TIE1: variants seen among roughly 807,000 people sequenced by gnomAD.
TIE1 encodes the protein tyrosine kinase with immunoglobulin like and EGF like domains 1.
Under a neutral mutation model 130.5 loss-of-function variants are expected in TIE1, and 89 were observed. The ratio of observed to expected loss-of-function variants is 0.68; its 90% CI spans 0.57 to 0.81. TIE1 has a LOEUF of 0.81. Among genes scored for constraint, TIE1 ranks in the 40% least tolerant of loss-of-function variants. The pLI, the probability that TIE1 is intolerant of heterozygous loss-of-function variation, is 0.00. For synonymous variants in TIE1, 568 were observed against 629.4 expected, an observed-to-expected ratio of 0.90 and a Z score of 1.46; for missense variants, 1,392 against 1,559.8, an observed-to-expected ratio of 0.89 and a Z score of 1.81.
intron 3 of TIE1, among the ~76,000 whole-genome samples, chr1:43,305,695 T>A (rs1234190208): frequency 6.6e-6 from 1 of 152,166 alleles, no homozygotes; most frequent in Non-Finnish European, 1.5e-5. Context: ...GGAAGAGAAC[T>A]GGTAACATCA....
rs199863447 is a variant in TIE1 at position 43,317,672 on chromosome 1, G to A, written c.2729G>A (p.Arg910Gln). The change falls in exon 16 of 23, where the codon CGA becomes CAA. Residue 910 changes from arginine to glutamine, a missense_variant and splice_region_variant. Around this residue, in one of 6 missense-constraint regions of TIE1, gnomAD observed 286 missense variants for 354.4 expected, o/e 0.81. Coordinates refer to ENST00000372476, the MANE Select transcript of TIE1 (RefSeq NM_005424.5). This position sits in a 1 kb window ranked among gnomAD's most constrained non-coding sequence, Gnocchi z 5.1. ...IINLLGACKNRGYLYIAIEYA... is the reference protein window; with the variant it reads ...IINLLGACKNQGYLYIAIEYA... ...AACCTCCTGGGGGCCTGTAAGAACC[G>A]AGGTGAGCCCCCAGCTCATCACCTA... The A allele has an allele frequency of 3.7e-5, 58 of 1,574,906 alleles. No individual in the cohort carries two copies. Among genetic ancestry groups the A allele is most frequent in the South Asian group, 4.7e-5 (4 of 84,350 alleles).
In TIE1 at chr1:43,318,147, G is replaced by A; in HGVS notation, c.2922+75G>A. On this transcript the variant is annotated intron_variant, in intron 17 of 22. Coordinates refer to ENST00000372476, the MANE Select transcript of TIE1 (RefSeq NM_005424.5). This position sits in a 1 kb window ranked among gnomAD's most constrained non-coding sequence, Gnocchi z 4.4. ...TGGTGTCAGTGGAAGAAGTCAGCCG[G>A]CCCTGATTGTATCTGGGGATTGAGG... 6.7e-7 allele frequency: 1 copy of A among 1,481,962 alleles called. No individual in the cohort carries two copies. The highest frequency in any genetic ancestry group is 9.0e-7 in the Non-Finnish European group (1 of 1,113,252). 91.8% of individuals were successfully genotyped at this position (1,481,962 alleles called of 1,614,324 possible).
chr1:43,301,995 C>T (rs1189412155), intron 1 of TIE1, among the ~76,000 whole-genome samples: 1 of 152,206 alleles, frequency 6.6e-6, no homozygotes, highest in Non-Finnish European at 1.5e-5. Flanking sequence ...GCCAGGAAAA[C>T]ACAGGCAAGT....
At position 43,322,628 on chromosome 1, in the gene TIE1, A is replaced by G; in HGVS notation, c.3346-23A>G. On this transcript the variant is annotated intron_variant, in intron 22 of 22. Transcript: ENST00000372476. The surrounding 1 kb of genome is among the most constrained non-coding windows in gnomAD (Gnocchi z 4.0). ...AGATGCACCCCCATTCCTGGCCCCCACTAAAGCTTGCTCTGCCCCCAGGCC... is the reference window on the plus strand; with the variant it reads ...AGATGCACCCCCATTCCTGGCCCCCGCTAAAGCTTGCTCTGCCCCCAGGCC... 1.2e-6 allele frequency: 2 copies of G among 1,611,468 alleles called. No individual in the cohort carries two copies. The highest frequency in any genetic ancestry group is 4.5e-5 in the East Asian group (2 of 44,810).
At position 43,313,997 on chromosome 1, in the gene TIE1, A is replaced by G; in HGVS notation, c.2409+29A>G. 1 of 1,612,334 alleles carries G rather than the reference A, an allele frequency of 6.2e-7. No individual in the cohort carries two copies. Among genetic ancestry groups the G allele is most frequent in the Non-Finnish European group, 8.5e-7 (1 of 1,178,568 alleles). On this transcript the variant is annotated intron_variant, in intron 14 of 22. Coordinates refer to ENST00000372476, the MANE Select transcript of TIE1 (RefSeq NM_005424.5). The surrounding 1 kb of genome is among the most constrained non-coding windows in gnomAD (Gnocchi z 6.2). ...AGTGACCCGCCCCGCCCCTGGGTGCATGCTTGCAGCCCGTGTTTATGTTTC... is the reference window on the plus strand; with the variant it reads ...AGTGACCCGCCCCGCCCCTGGGTGCGTGCTTGCAGCCCGTGTTTATGTTTC...
In TIE1 at chr1:43,313,046, A is replaced by C; in HGVS notation, c.1928-89A>C. Reference sequence around the variant, plus strand: ...GCCCCTGTGCTTGGACCCACAGAGGAGGGAGCACAGCTAGAGCAGATGTGT... The same window carrying C: ...GCCCCTGTGCTTGGACCCACAGAGGCGGGAGCACAGCTAGAGCAGATGTGT... On this transcript the variant is annotated intron_variant, in intron 12 of 22. Transcript: ENST00000372476. This position sits in a 1 kb window ranked among gnomAD's most constrained non-coding sequence, Gnocchi z 6.2. 2.1e-6 allele frequency: 3 copies of C among 1,447,346 alleles called. 1 individual carries two copies. The South Asian group carries it at 4.1e-5, about 20-fold the overall frequency. The allele number at this position is 1,447,346 out of a possible 1,614,324, so 89.7% of individuals were successfully genotyped here.
chr1:43,311,961 C>T (rs774896038), intron 10 of TIE1, 33 bp from the exon 11 acceptor site: 2 of 1,562,742 alleles, frequency 1.3e-6, no homozygotes, highest in Non-Finnish European at 1.7e-6. Context: ...GAGGTGGGGG[C>T]TGAATAATGT....
chr1:43,318,029 C>T lies in TIE1; in HGVS notation c.2879C>T (p.Ala960Val). 6.3e-7 allele frequency: 1 copy of T among 1,584,524 alleles called. No homozygotes were observed. The highest frequency in any genetic ancestry group is 8.6e-7 in the Non-Finnish European group (1 of 1,164,972). The change falls in exon 17 of 23, where the codon GCC becomes GTC. Residue 960 changes from alanine to valine, a missense_variant. This residue lies in a region of TIE1 where 286 missense variants were observed against 354.4 expected (regional missense o/e 0.81). Coordinates refer to ENST00000372476, the MANE Select transcript of TIE1 (RefSeq NM_005424.5). This position sits in a 1 kb window ranked among gnomAD's most constrained non-coding sequence, Gnocchi z 4.4. ...TLSSRQLLRF[A>V]SDAANGMQYL... ...AGCTCCCGGCAGCTGCTGCGTTTCG[C>T]CAGTGATGCGGCCAATGGCATGCAG...
rs1646881180 is a variant in TIE1, at chr1:43,318,286, G to C, written c.2922+214G>C. On this transcript the variant is annotated intron_variant, in intron 17 of 22. Transcript: ENST00000372476. The surrounding 1 kb of genome is among the most constrained non-coding windows in gnomAD (Gnocchi z 4.4). ...GGAGGGTGCGGGTGTTGAGTGAGCA[G>C]GTCTAGATGCTAGCCTGGAACTCAG... Among the ~76,000 whole-genome samples the C allele has an allele frequency of 6.6e-6, 1 of 152,184 alleles. No individual in the cohort carries two copies.
chr1:43,312,482 G>A lies in TIE1; in HGVS notation c.1808G>A (p.Arg603His), dbSNP rs141325654. The A allele has an allele frequency of 1.3e-5, 21 of 1,611,906 alleles. No homozygotes were observed. The highest frequency in any genetic ancestry group is 1.6e-5 in the Non-Finnish European group (19 of 1,179,790). The change falls in exon 12 of 23, where the codon CGC (arginine) becomes CAC (histidine). Residue 603 changes from arginine to histidine, a missense_variant. Around this residue, in one of 6 missense-constraint regions of TIE1, gnomAD observed 551 missense variants for 565.5 expected, o/e 0.97. Transcript: ENST00000372476. This position sits in a 1 kb window ranked among gnomAD's most constrained non-coding sequence, Gnocchi z 5.6. Reference sequence around the variant, plus strand: ...GAGAACGTCTCATCCCCCCAGGCCCGCACTGCCCTCCTGACGGGACTCACG... The same window carrying A: ...GAGAACGTCTCATCCCCCCAGGCCCACACTGCCCTCCTGACGGGACTCACG... ...RRENVSSPQA[R>H]TALLTGLTPG...
chr1:43,318,920 G>A lies in TIE1; in HGVS notation c.2923-315G>A, dbSNP rs1201962780. Among the ~76,000 whole-genome samples the A allele has an allele frequency of 6.6e-6, 1 of 152,098 alleles. No individual in the cohort carries two copies. The highest frequency in any genetic ancestry group is 1.9e-4 in the East Asian group (1 of 5,182). On this transcript the variant is annotated intron_variant, in intron 17 of 22. Coordinates refer to ENST00000372476, the MANE Select transcript of TIE1 (RefSeq NM_005424.5). This position sits in a 1 kb window ranked among gnomAD's most constrained non-coding sequence, Gnocchi z 4.4. ...GTCTCTGGGGAAGCTGGAGGGCTAA[G>A]GGAGAGAAACTGGAACCCAGGGGAT...
intron 7 of TIE1, 106 bp downstream of exon 7, chr1:43,308,030 A>G: frequency 6.7e-7 from 1 of 1,497,464 alleles, no homozygotes; most frequent in Non-Finnish European, 9.0e-7. Context: ...CGAGGGTCCA[A>G]GTCCTGCCCT....
In TIE1 at chr1:43,306,965, G is replaced by A; in HGVS notation, c.610G>A (p.Gly204Ser). Residue 204 changes from glycine (G) to serine (S), a missense_variant, in exon 4 of 23, where the codon GGC (glycine) becomes AGC (serine). Coordinates refer to ENST00000372476, the MANE Select transcript of TIE1 (RefSeq NM_005424.5). The surrounding 1 kb of genome is among the most constrained non-coding windows in gnomAD (Gnocchi z 4.9). The stretch of plus-strand genomic sequence containing the variant: ...CACTTACCTGGAAGCCAGCCCCCTG[G>A]GCAGCGCCTTCTTTCGGCTCATCGT... ...SATYLEASPL[G>S]SAFFRLIVRG... 1 of 1,613,958 alleles carries A rather than the reference G, an allele frequency of 6.2e-7. No homozygotes were observed. The highest frequency in any genetic ancestry group is 8.5e-7 in the Non-Finnish European group (1 of 1,180,000).
intron 14 of TIE1, chr1:43,314,396 C>T (rs1297095756): frequency 9.0e-6 from 10 of 1,117,132 alleles, no homozygotes; most frequent in African/African-American, 3.3e-5. Flanking sequence ...TTCCTGGGCT[C>T]GGGAGCCAGC....
rs1557449627 is a variant in TIE1 at position 43,313,667 on chromosome 1, T to C, written c.2219-111T>C. Reference sequence around the variant, plus strand: ...CCTTCATGTGGCCCAAGTGATTTCCTGACAGTCCTGGCACTGGGATCTTTC... The same window carrying C: ...CCTTCATGTGGCCCAAGTGATTTCCCGACAGTCCTGGCACTGGGATCTTTC... On this transcript the variant is annotated intron_variant, in intron 13 of 22. Coordinates refer to ENST00000372476, the MANE Select transcript of TIE1 (RefSeq NM_005424.5). This position sits in a 1 kb window ranked among gnomAD's most constrained non-coding sequence, Gnocchi z 6.2. The C allele has an allele frequency of 7.1e-6, 9 of 1,259,444 alleles. No individual in the cohort carries two copies. The highest frequency in any genetic ancestry group is 1.5e-5 in the South Asian group (1 of 65,338). 78.0% of individuals were successfully genotyped at this position (1,259,444 alleles called of 1,614,324 possible).
intron 3 of TIE1, among the ~76,000 whole-genome samples, chr1:43,305,920 C>A (rs1187529519): frequency 6.6e-6 from 1 of 152,204 alleles, no homozygotes; most frequent in African/African-American, 2.4e-5. Context: ...AGATTCACAA[C>A]CCCTTGGCTG....
chr1:43,310,926 G>A (rs546421369), intron 9 of TIE1, among the ~76,000 whole-genome samples: 1 of 152,076 alleles, frequency 6.6e-6, no homozygotes, highest in African/African-American at 2.4e-5. Context: ...CTCTCAAAAA[G>A]CCAATCTGGT....
In TIE1 at chr1:43,304,999, C is replaced by G. The variant is rs200369203; in HGVS notation, c.207C>G (p.Ile69Met). ...TGCTGCTGGAGAAGGACGACCGTAT[C>G]GTGCGCACCCCGCCCGGGCCACCCC... is the stretch of plus-strand genomic sequence containing the variant. Reference protein sequence around the residue: ...PPLLLEKDDRIVRTPPGPPLR... With the variant: ...PPLLLEKDDRMVRTPPGPPLR... The change falls in exon 2 of 23, where the codon ATC becomes ATG. Residue 69 changes from isoleucine to methionine, a missense_variant. Ile to Met is a conservative substitution (Grantham distance 10). Transcript: ENST00000372476. 22 of 1,527,722 alleles carry G rather than the reference C, an allele frequency of 1.4e-5. No individual in the cohort carries two copies. The highest frequency in any genetic ancestry group is 9.4e-5 in the East Asian group (4 of 42,624). 94.6% of individuals were successfully genotyped at this position (1,527,722 alleles called of 1,614,324 possible).
In TIE1 at chr1:43,321,666, C is replaced by T. The variant is rs780019645; in HGVS notation, c.3296C>T (p.Pro1099Leu). The change falls in exon 22 of 23, where the codon CCC (proline) becomes CTC (leucine). Residue 1099 changes from proline (P) to leucine (L), a missense_variant. Physicochemically the swap from Pro to Leu is moderately conservative, Grantham distance 98. Around this residue, in one of 6 missense-constraint regions of TIE1, gnomAD observed 104 missense variants for 129.3 expected, o/e 0.80. Coordinates refer to ENST00000372476, the MANE Select transcript of TIE1 (RefSeq NM_005424.5). ...CWRDRPYERP[P>L]FAQIALQLGR... The stretch of plus-strand genomic sequence containing the variant: ...CGGGACCGTCCCTATGAGCGACCCC[C>T]CTTTGCCCAGATTGCGCTACAGCTA... 1 of 1,553,786 alleles carries T rather than the reference C, an allele frequency of 6.4e-7. No individual in the cohort carries two copies. Among genetic ancestry groups the T allele is most frequent in the Admixed American group, 2.0e-5 (1 of 51,174 alleles).
Sources: gnomAD v4.1 joint callset for allele counts (sites outside exome capture counted in the v4.1 genomes callset) on GRCh38, gnomAD v4.1.1 for gene constraint, gnomAD v4.1.1 regional missense constraint, Gnocchi (gnomAD v3.1) non-coding constraint, MANE v1.5 for transcripts, NCBI Gene and HGNC (gene_info 2026-07-23, HGNC 2026-07-21) for gene names.